TKTL1: variants seen among roughly 807,000 people sequenced by gnomAD.
TKTL1 encodes the protein transketolase like 1, also known as transketolase-like protein 1.
In TKTL1, 1 loss-of-function variant was observed where a neutral mutation model predicts 39.3. The ratio of observed to expected loss-of-function variants is 0.03; its 90% CI spans 0.01 to 0.12. The LOEUF (loss-of-function observed/expected upper bound fraction) is 0.12. TKTL1 is among the 10% of genes least tolerant of loss of function. The probability of loss-of-function intolerance (pLI) is 1.00; values close to 1 mark genes in which losing one functional copy is unlikely to be tolerated. For missense variants in TKTL1, 575 were observed against 509.6 expected, an observed-to-expected ratio of 1.13 and a Z score of -1.24; for synonymous variants, 262 against 193.8, an observed-to-expected ratio of 1.35 and a Z score of -2.92.
At chrX:154,296,019 G>A (rs1557164352) in intron 1 of TKTL1, 26 bp downstream of exon 1, 4 of 1,206,782 alleles carry the variant, frequency 3.3e-6, no homozygotes, top group Admixed American at 4.4e-5. Context: ...TGAAGTCTGG[G>A]TCATGCAGGG....
intron 1 of TKTL1, among the ~76,000 whole-genome samples, chrX:154,297,789 T>A (rs1248741279): frequency 9.1e-6 from 1 of 110,408 alleles, no homozygotes; most frequent in East Asian, 2.9e-4. Context: ...TTACAAAAAT[T>A]AGCTGGGCGT....
At chrX:154,304,706 A>G (rs916939508) in intron 1 of TKTL1, among the ~76,000 whole-genome samples, 1 of 109,377 alleles carries the variant, frequency 9.1e-6, no homozygotes, top group Non-Finnish European at 1.9e-5. Flanking sequence ...TGGGCCTAAC[A>G]TCTTTTTTTA....
chrX:154,328,545 C>CGAA (rs2067511351), intron 12 of TKTL1, among the ~76,000 whole-genome samples: 1 of 15,312 alleles, frequency 6.5e-5, no homozygotes, highest in Non-Finnish European at 1.6e-4. Context: ...GACTCTGCCT[C>CGAA]AAAAAAAAAA....
Position 154,310,819 on chromosome X carries a change from C to T in TKTL1, c.351-17C>T. The T allele has an allele frequency of 2.5e-6, 3 of 1,204,552 alleles. No individual in the cohort carries two copies. The highest frequency in any genetic ancestry group is 3.0e-5 in the East Asian group (1 of 33,823). ...TGATCCCCCACAGGGTCCTAAACCT[C>T]TCTTGTCTTGCTCCAGCTACCGGGT... On this transcript the variant is annotated splice_polypyrimidine_tract_variant and intron_variant, in intron 3 of 12. Coordinates refer to ENST00000369915, the MANE Select transcript of TKTL1 (RefSeq NM_012253.4).
chrX:154,299,366 G>A (rs1046972179), intron 1 of TKTL1, among the ~76,000 whole-genome samples: 1 of 108,517 alleles, frequency 9.2e-6, no homozygotes, highest in Non-Finnish European at 1.9e-5. Flanking sequence ...TGTTGGTCAG[G>A]CTGGTCTCAA....
chrX:154,319,455 G>T (rs2148077449), intron 7 of TKTL1, among the ~76,000 whole-genome samples: 1 of 111,876 alleles, frequency 8.9e-6, no homozygotes, highest in South Asian at 3.7e-4. Flanking sequence ...AGAGACAGTG[G>T]GAGACCCAGG....
intron 10 of TKTL1, among the ~76,000 whole-genome samples, chrX:154,325,685 G>T (rs187041391): frequency 8.9e-6 from 1 of 112,409 alleles, no homozygotes; most frequent in East Asian, 2.8e-4. Context: ...CCACTTGAGC[G>T]GTCGTGGCTA....
intron 1 of TKTL1, among the ~76,000 whole-genome samples, chrX:154,302,814 G>C (rs150566615): frequency 3.6e-4 from 40 of 111,773 alleles, no homozygotes; most frequent in African/African-American, 9.1e-4. Context: ...AGAGATTGGA[G>C]ACACACAGAC....
At chrX:154,314,261 C>T (rs782771053) in intron 6 of TKTL1, among the ~76,000 whole-genome samples, 16 of 111,484 alleles carry the variant, frequency 1.4e-4, no homozygotes, top group African/African-American at 2.6e-4. Flanking sequence ...ACTTATGAAG[C>T]GAAAATGTGA....
intron 6 of TKTL1, 116 bp downstream of exon 6, chrX:154,312,889 T>C: frequency 1.4e-6 from 1 of 695,963 alleles, no homozygotes; most frequent in Admixed American, 3.8e-5. Flanking sequence ...GACGAACCAA[T>C]TACTAGAGTG....
At chrX:154,324,841 A>G (rs782665868) in intron 9 of TKTL1, among the ~76,000 whole-genome samples, 5 of 112,331 alleles carry the variant, frequency 4.5e-5, no homozygotes, top group Non-Finnish European at 7.5e-5. Flanking sequence ...CAAATACTTT[A>G]GACATACAAG....
intron 1 of TKTL1, among the ~76,000 whole-genome samples, chrX:154,303,152 C>A (rs782007125): frequency 3.7e-5 from 4 of 107,776 alleles, no homozygotes; most frequent in African/African-American, 1.0e-4. Flanking sequence ...TTAGACCCTA[C>A]CTCTCATTCC....
rs782002847 is a variant in TKTL1 at position 154,326,576 on chromosome X, C to A, written c.1402-1015C>A. ...GAGTGCTGCCATAAAGCAGGTGTTT[C>A]CAGAACTGTCCACTGTGTGCCATAA... On this transcript the variant is annotated intron_variant, in intron 10 of 12. Coordinates refer to ENST00000369915, the MANE Select transcript of TKTL1 (RefSeq NM_012253.4). Among the ~76,000 whole-genome samples the A allele has an allele frequency of 7.7e-4, 87 of 112,278 alleles. 2 individuals carry two copies. Among genetic ancestry groups the A allele is most frequent in the Non-Finnish European group, 1.3e-4 (7 of 53,235 alleles).
chrX:154,323,482 A>C (rs2067468616), intron 9 of TKTL1, 145 bp downstream of exon 9: 10 of 699,005 alleles, frequency 1.4e-5, no homozygotes, highest in South Asian at 5.7e-5. Flanking sequence ...CAAAAAAAAC[A>C]GGAGATTATG....
At chrX:154,306,442 T>C (rs1370969010) in intron 2 of TKTL1, among the ~76,000 whole-genome samples, 3 of 111,689 alleles carry the variant, frequency 2.7e-5, no homozygotes, top group African/African-American at 9.8e-5. Context: ...CTTGTCTTGG[T>C]GTCTGAACCA....
intron 1 of TKTL1, among the ~76,000 whole-genome samples, chrX:154,304,553 G>A (rs2067300126): frequency 9.1e-6 from 1 of 109,616 alleles, no homozygotes; most frequent in Admixed American, 9.6e-5. Context: ...CTATGATCAT[G>A]CCACTGCACT....
Position 154,305,441 on chromosome X carries a change from A to G in TKTL1, c.252+20A>G, listed in dbSNP as rs782273790. Reference sequence around the variant, plus strand: ...GCAAAGGTATGCCGGTGGGGAGCCCAGGGCTGCTGTGGCGCCTGCTGGTTA... The same window carrying G: ...GCAAAGGTATGCCGGTGGGGAGCCCGGGGCTGCTGTGGCGCCTGCTGGTTA... On this transcript the variant is annotated intron_variant, in intron 2 of 12. Transcript: ENST00000369915. The G allele has an allele frequency of 8.3e-7, 1 of 1,197,746 alleles. No homozygotes were observed. Among genetic ancestry groups the G allele is most frequent in the Non-Finnish European group, 1.1e-6 (1 of 885,287 alleles).
chrX:154,312,882 G>T (rs782366099), intron 6 of TKTL1, 109 bp downstream of exon 6: 36 of 741,018 alleles, frequency 4.9e-5, no homozygotes, highest in Non-Finnish European at 6.2e-5. Flanking sequence ...CTCCATGGAC[G>T]AACCAATTAC....
At position 154,329,589 on chromosome X, in the gene TKTL1, G is replaced by C. The variant is rs782607274; in HGVS notation, c.1692G>C (p.Ser564=). 6.6e-6 allele frequency: 8 copies of C among 1,210,176 alleles called. No homozygotes were observed. Among genetic ancestry groups the C allele is most frequent in the Non-Finnish European group, 1.1e-6 (1 of 895,127 alleles). Residue 564 remains serine (S), a synonymous_variant, in exon 13 of 13, where the codon TCG becomes TCC. Transcript: ENST00000369915. The part of the protein sequence containing the change: ...PDIQVHSLAV[S]GVPQSGKSEE... Reference sequence around the variant, plus strand: ...TTCAGGTTCATTCGCTGGCAGTGTCGGGAGTGCCCCAGAGTGGGAAGTCCG... The same window carrying C: ...TTCAGGTTCATTCGCTGGCAGTGTCCGGAGTGCCCCAGAGTGGGAAGTCCG...
Sources: gnomAD v4.1 joint callset for allele counts (sites outside exome capture counted in the v4.1 genomes callset) on GRCh38, gnomAD v4.1.1 for gene constraint, MANE v1.5 for transcripts, NCBI Gene and HGNC (gene_info 2026-07-23, HGNC 2026-07-21) for gene names.